Variants in OPCML observed in about 807,000 individuals in gnomAD.
OPCML encodes opioid-binding protein/cell adhesion molecule.
In OPCML, 13 loss-of-function variants were observed where a neutral mutation model predicts 37.8. The observed-to-expected ratio is 0.34, with a 90% CI of 0.22 to 0.55. The LOEUF is 0.55. OPCML is among the 20% of genes least tolerant of loss of function. The pLI, the probability that OPCML is intolerant of heterozygous loss-of-function variation, is 0.91. For synonymous variants in OPCML, 176 were observed against 168.8 expected (o/e 1.04, Z -0.33); for missense variants, 341 against 435.6 (o/e 0.78, Z 1.93).
In OPCML at chr11:132,923,766, TTTTTTTTTTTTTTTGAGACAGAG is replaced by T. The variant is rs1401870371; in HGVS notation, c.146+19137_146+19159del. Among the ~76,000 whole-genome samples the T allele has an allele frequency of 2.4e-4, 35 of 143,334 alleles. No homozygotes were observed. In the East Asian group the frequency reaches 6.6e-3, roughly 27 times the overall value. 94.0% of individuals were successfully genotyped at this position (143,334 alleles called of 152,430 possible). On this transcript the variant is annotated intron_variant, in intron 2 of 7. Transcript: ENST00000524381. ...CAGAAGTTACTTGAATTTTTTTTTT[TTTTTTTTTTTTTTTGAGACAGAG>T]TCTCACTCTTGTTGCCCAGGCTGGA...
intron 1 of OPCML, among the ~76,000 whole-genome samples, chr11:133,417,069 T>A (rs1014166394): frequency 1.3e-5 from 2 of 152,222 alleles, no homozygotes; most frequent in Non-Finnish European, 2.9e-5. Context: ...GCAGGGAGGC[T>A]GTGTAACCCC....
intron 3 of OPCML, among the ~76,000 whole-genome samples, chr11:132,615,744 G>T (rs61398961): frequency 1.3e-5 from 2 of 151,964 alleles, no homozygotes; most frequent in African/African-American, 2.4e-5. Context: ...AGAAATGACC[G>T]TAATACATGC....
At chr11:132,971,259 TGATCA>T (rs1170203544) in intron 1 of OPCML, among the ~76,000 whole-genome samples, 1 of 152,166 alleles carries the variant, frequency 6.6e-6, no homozygotes, top group Non-Finnish European at 1.5e-5. Context: ...ACATAGTAGG[TGATCA>T]GTAAATATTG....
At chr11:132,767,661 A>C (rs1946497393) in intron 2 of OPCML, among the ~76,000 whole-genome samples, 1 of 152,166 alleles carries the variant, frequency 6.6e-6, no homozygotes, top group Non-Finnish European at 1.5e-5. Flanking sequence ...ATCATTTCCA[A>C]ACTCTGTGCT....
intron 2 of OPCML, among the ~76,000 whole-genome samples, chr11:132,796,641 T>G (rs929417590): frequency 1.4e-5 from 2 of 142,598 alleles, no homozygotes; most frequent in African/African-American, 5.1e-5. Context: ...TGGCACGATC[T>G]CGGCTCACTG....
intron 2 of OPCML, among the ~76,000 whole-genome samples, chr11:132,924,429 A>G (rs1194044265): frequency 3.9e-5 from 6 of 152,182 alleles, no homozygotes; most frequent in Non-Finnish European, 7.3e-5. Context: ...GGTGTATACC[A>G]CTGCACCAAG....
At chr11:133,451,595 C>T (rs1482658162) in intron 1 of OPCML, among the ~76,000 whole-genome samples, 5 of 151,544 alleles carry the variant, frequency 3.3e-5, no homozygotes, top group South Asian at 2.1e-4. Flanking sequence ...TGTAATCCAG[C>T]GCTTTGGGAG....
intron 1 of OPCML, among the ~76,000 whole-genome samples, chr11:133,232,519 G>T (rs558306300): frequency 6.6e-6 from 1 of 152,086 alleles, no homozygotes; most frequent in East Asian, 1.9e-4. Flanking sequence ...AAAGTGAAGA[G>T]AATGTAAGGT....
At position 133,432,259 on chromosome 11, in the gene OPCML, T is replaced by C. The variant is rs76696880; in HGVS notation, c.61+100005A>G. Among the ~76,000 whole-genome samples, 685 of 152,298 alleles carry C rather than the reference T, an allele frequency of 4.5e-3. 6 individuals are homozygous for C. Among genetic ancestry groups the C allele is most frequent in the African/African-American group, 0.015 (636 of 41,574 alleles). On this transcript the variant is annotated intron_variant, in intron 1 of 7. Coordinates refer to ENST00000524381, the MANE Select transcript of OPCML (RefSeq NM_001012393.5). ...AAGTTGGAAAGGAAAAAAAGAGAAA[T>C]CAGTTCTTAGTCTGTCTTTACTCTT... is the stretch of plus-strand genomic sequence containing the variant.
chr11:132,817,051 G>A (rs148345775), intron 2 of OPCML: 5 of 152,338 alleles, frequency 3.3e-5, no homozygotes, highest in Admixed American at 6.5e-5. Context: ...AGAAGTAAGC[G>A]GCAACAATGA....
intron 1 of OPCML, among the ~76,000 whole-genome samples, chr11:133,492,710 G>T (rs1452491665): frequency 8.6e-6 from 1 of 115,882 alleles, no homozygotes; most frequent in African/African-American, 4.4e-5. Flanking sequence ...GGCAATTACT[G>T]CCAAAAAAAA....
At position 132,461,798 on chromosome 11, in the gene OPCML, A is replaced by C. The variant is rs181801489; in HGVS notation, c.506-24439T>G. On this transcript the variant is annotated intron_variant, in intron 4 of 7. Coordinates refer to ENST00000524381, the MANE Select transcript of OPCML (RefSeq NM_001012393.5). ...GGGAAGGAAACATGTCCTTCTTCAC[A>C]TGATGGCAGGAAGGAGAAGTGCCAA... is the stretch of plus-strand genomic sequence containing the variant. Among the ~76,000 whole-genome samples the C allele has an allele frequency of 4.8e-3, 728 of 152,294 alleles. 2 individuals carry two copies. The highest frequency in any genetic ancestry group is 7.4e-3 in the Non-Finnish European group (504 of 68,030).
chr11:132,900,149 A>T (rs1329441028), intron 2 of OPCML, among the ~76,000 whole-genome samples: 1 of 152,200 alleles, frequency 6.6e-6, no homozygotes, highest in Non-Finnish European at 1.5e-5. Flanking sequence ...TTAACTGCAA[A>T]GCAATTCCAA....
intron 1 of OPCML, among the ~76,000 whole-genome samples, chr11:133,102,645 G>A (rs533728432): frequency 1.3e-5 from 2 of 152,228 alleles, no homozygotes; most frequent in South Asian, 2.1e-4. Context: ...AGCTACTCAG[G>A]AGGCTGAGGC....
intron 1 of OPCML, chr11:133,422,493 C>A: frequency 1.0e-6 from 1 of 983,026 alleles, no homozygotes. Context: ...TAGCGTCTTG[C>A]TAGGAACCAC....
chr11:133,315,137 A>C (rs754135648), intron 1 of OPCML, among the ~76,000 whole-genome samples: 4 of 152,166 alleles, frequency 2.6e-5, no homozygotes, highest in Admixed American at 6.5e-5. Flanking sequence ...GGAACTTAGT[A>C]TTTTCTTAAC....
At chr11:132,883,026 A>C (rs1330299042) in intron 2 of OPCML, among the ~76,000 whole-genome samples, 4 of 152,234 alleles carry the variant, frequency 2.6e-5, no homozygotes, top group African/African-American at 7.2e-5. Flanking sequence ...CAGCTGCGAC[A>C]GTTGAAAAAG....
intron 2 of OPCML, among the ~76,000 whole-genome samples, chr11:132,883,836 G>A (rs1353480386): frequency 6.6e-6 from 1 of 152,196 alleles, no homozygotes; most frequent in African/African-American, 2.4e-5. Flanking sequence ...CAAGAGCCCA[G>A]GGGTAGTGAA....
At chr11:133,046,841 T>G (rs1354763118) in intron 1 of OPCML, among the ~76,000 whole-genome samples, 1 of 152,182 alleles carries the variant, frequency 6.6e-6, no homozygotes, top group Non-Finnish European at 1.5e-5. Context: ...ATATCAACTC[T>G]TCCAGACCCA....
Sources: allele counts gnomAD v4.1 joint callset (sites outside exome capture counted in the v4.1 genomes callset), GRCh38; gene constraint gnomAD v4.1.1; transcripts MANE v1.5; gene names NCBI Gene and HGNC (gene_info 2026-07-23, HGNC 2026-07-21).